The following DAPK1 variants were observed in gnomAD, a reference collection of about 807,000 sequenced individuals.
The protein encoded by DAPK1 is death-associated protein kinase 1.
Under a neutral mutation model 144.9 loss-of-function variants are expected in DAPK1, and 56 were observed. That is an observed-to-expected ratio of 0.39 (90% CI 0.31 to 0.48). The LOEUF is 0.48. Ranked by LOEUF, DAPK1 falls within the 20% of genes least tolerant of loss-of-function variation. DAPK1 has a pLI of 0.95. For synonymous variants in DAPK1, 690 were observed against 749.0 expected (o/e 0.92, Z 1.29); for missense variants, 1,454 against 1,875.4 (o/e 0.78, Z 4.15).
chr9:87,678,445 G>A (rs1453707318), intron 19 of DAPK1, among the ~76,000 whole-genome samples: 5 of 152,214 alleles, frequency 3.3e-5, no homozygotes, highest in East Asian at 1.9e-4. Context: ...AGACGCCCAC[G>A]GACACTGGAG....
Position 87,635,667 on chromosome 9 carries a change from C to T in DAPK1, c.285-2276C>T, listed in dbSNP as rs577579800. 8.5e-5 allele frequency among the ~76,000 whole-genome samples: 13 copies of T among 152,198 alleles called. No homozygotes were observed. In the South Asian group the frequency reaches 2.3e-3, roughly 27 times the overall value. On this transcript the variant is annotated intron_variant, in intron 3 of 25. Coordinates refer to ENST00000408954, the MANE Select transcript of DAPK1 (RefSeq NM_004938.4). ...GTTCCCGCAAGCTGGACCTTACCCACGTGCCAGCCTTGCCAGTTACACATG... is the reference window on the plus strand; with the variant it reads ...GTTCCCGCAAGCTGGACCTTACCCATGTGCCAGCCTTGCCAGTTACACATG...
At chr9:87,536,588 T>C (rs1825869042) in intron 2 of DAPK1, among the ~76,000 whole-genome samples, 1 of 152,192 alleles carries the variant, frequency 6.6e-6, no homozygotes, top group African/African-American at 2.4e-5. Flanking sequence ...ATTAAAGCAC[T>C]TAAAATACTG....
At chr9:87,526,128 C>G (rs1468317999) in intron 2 of DAPK1, among the ~76,000 whole-genome samples, 1 of 150,002 alleles carries the variant, frequency 6.7e-6, no homozygotes, top group Non-Finnish European at 1.5e-5. Context: ...GGCAATGTAG[C>G]AAGACCCTGT....
chr9:87,629,903 G>A (rs36210364), intron 3 of DAPK1, among the ~76,000 whole-genome samples: 6 of 151,982 alleles, frequency 3.9e-5, no homozygotes, highest in East Asian at 1.9e-4. Context: ...ATCCACCTGC[G>A]TGCTGGGACA....
intron 2 of DAPK1, among the ~76,000 whole-genome samples, chr9:87,574,085 T>G (rs966391326): frequency 6.6e-6 from 1 of 152,172 alleles, no homozygotes; most frequent in African/African-American, 2.4e-5. Context: ...GCATTAGCCA[T>G]CACATCTTCA....
Position 87,706,866 on chromosome 9 carries a change from A to G in DAPK1, c.3795A>G (p.Glu1265=). 1 of 1,613,974 alleles carries G rather than the reference A, an allele frequency of 6.2e-7. No individual in the cohort carries two copies. The highest frequency in any genetic ancestry group is 1.1e-5 in the South Asian group (1 of 91,078). ...TCTTCCGGGCACAGACTCTGAAGGA[A>G]ACCTCACTGACCAACACCATGGGGG... ...RDFFRAQTLK[E]TSLTNTMGGY... The change falls in exon 26 of 26, where the codon GAA becomes GAG. Residue 1265 remains glutamate (E), a synonymous_variant. Transcript: ENST00000408954. This position sits in a 1 kb window ranked among gnomAD's most constrained non-coding sequence, Gnocchi z 9.0.
At chr9:87,649,814 T>C in intron 15 of DAPK1, 107 bp from the exon 16 acceptor site, 1 of 988,250 alleles carries the variant, frequency 1.0e-6, no homozygotes, top group Admixed American at 1.9e-5. Flanking sequence ...TTCCCTCTGC[T>C]GCCTTGGTTG....
chr9:87,521,745 A>T lies in DAPK1; in HGVS notation c.62+22606A>T, dbSNP rs148515107. 6.0e-3 allele frequency among the ~76,000 whole-genome samples: 907 copies of T among 152,312 alleles called. 7 individuals are homozygous for T. The highest frequency in any genetic ancestry group is 0.01 in the Middle Eastern group (3 of 294). ...TTCTTATCTAGCAGTTTGATGACTTATGGTAGTTGCTTTGGTTTGAATATT... is the reference window on the plus strand; with the variant it reads ...TTCTTATCTAGCAGTTTGATGACTTTTGGTAGTTGCTTTGGTTTGAATATT... On this transcript the variant is annotated intron_variant, in intron 2 of 25. Transcript: ENST00000408954.
intron 2 of DAPK1, among the ~76,000 whole-genome samples, chr9:87,560,638 A>G (rs1038809473): frequency 4.7e-5 from 7 of 149,394 alleles, no homozygotes; most frequent in African/African-American, 1.7e-4. Flanking sequence ...CTTGAGGTTC[A>G]TCCACGTTGA....
At chr9:87,501,422 G>A (rs982260506) in intron 2 of DAPK1, among the ~76,000 whole-genome samples, 1 of 152,222 alleles carries the variant, frequency 6.6e-6, no homozygotes, top group African/African-American at 2.4e-5. Flanking sequence ...GCGCGCGCCT[G>A]TAGTCCCAGC....
chr9:87,602,109 G>A (rs1828543260), intron 2 of DAPK1, among the ~76,000 whole-genome samples: 1 of 152,208 alleles, frequency 6.6e-6, no homozygotes, highest in Non-Finnish European at 1.5e-5. Flanking sequence ...GGATATGGCA[G>A]ATTGGAGGAA....
At chr9:87,627,711 A>G (rs546324031) in intron 3 of DAPK1, among the ~76,000 whole-genome samples, 46 of 152,280 alleles carry the variant, frequency 3.0e-4, no homozygotes, top group Middle Eastern at 6.8e-3. Flanking sequence ...CTTCAACCAC[A>G]GGAGTGTGGG....
At chr9:87,601,082 G>A (rs900640659) in intron 2 of DAPK1, among the ~76,000 whole-genome samples, 5 of 152,192 alleles carry the variant, frequency 3.3e-5, no homozygotes, top group African/African-American at 1.2e-4. Flanking sequence ...CCCCAAAGGA[G>A]TCCCGATCCA....
chr9:87,554,326 C>T, intron 2 of DAPK1: 1 of 152,146 alleles, frequency 6.6e-6, no homozygotes, highest in East Asian at 1.9e-4. Flanking sequence ...GTTGCTGACT[C>T]CAGTTTTTAA....
intron 21 of DAPK1, among the ~76,000 whole-genome samples, chr9:87,692,774 G>A (rs1825106377): frequency 6.6e-6 from 1 of 151,778 alleles, no homozygotes; most frequent in Admixed American, 6.6e-5. Flanking sequence ...TTGTTTTTGG[G>A]GAAGACTTTA....
At position 87,601,687 on chromosome 9, in the gene DAPK1, C is replaced by T. The variant is rs1253769994; in HGVS notation, c.63-3267C>T. Among the ~76,000 whole-genome samples, 3 of 152,242 alleles carry T rather than the reference C, an allele frequency of 2.0e-5. No homozygotes were observed. The East Asian group carries it at 5.8e-4, about 29-fold the overall frequency. On this transcript the variant is annotated intron_variant, in intron 2 of 25. Coordinates refer to ENST00000408954, the MANE Select transcript of DAPK1 (RefSeq NM_004938.4). ...ACTGAAGACTCCCTATGGTCAGGTGCTGTCCTAAACACTTCATGCGCTCAT... is the reference window on the plus strand; with the variant it reads ...ACTGAAGACTCCCTATGGTCAGGTGTTGTCCTAAACACTTCATGCGCTCAT...
intron 2 of DAPK1, among the ~76,000 whole-genome samples, chr9:87,587,662 A>G (rs7046290): frequency 0.096 from 14,652 of 152,312 alleles, 1,255 homozygotes; most frequent in African/African-American, 0.23. Context: ...TTCCTTCACC[A>G]TCAATACTTC....
intron 2 of DAPK1, among the ~76,000 whole-genome samples, chr9:87,575,538 A>G (rs910512365): frequency 1.3e-5 from 2 of 152,216 alleles, no homozygotes; most frequent in Non-Finnish European, 2.9e-5. Context: ...CAAAGCCCTG[A>G]GCTGGAAGTC....
At chr9:87,542,427 G>A (rs1436452444) in intron 2 of DAPK1, among the ~76,000 whole-genome samples, 2 of 152,156 alleles carry the variant, frequency 1.3e-5, no homozygotes, top group Non-Finnish European at 2.9e-5. Context: ...CATGCTGTGA[G>A]CCAGGCATCC....
Sources: gnomAD v4.1 joint callset for allele counts (sites outside exome capture counted in the v4.1 genomes callset) on GRCh38, gnomAD v4.1.1 for gene constraint, Gnocchi (gnomAD v3.1) non-coding constraint, MANE v1.5 for transcripts, NCBI Gene and HGNC (gene_info 2026-07-23, HGNC 2026-07-21) for gene names.